Variants in DNAH6 observed in about 807,000 individuals in gnomAD.
The protein encoded by DNAH6 is axonemal beta dynein heavy chain 6.
Under a neutral mutation model 491.4 loss-of-function variants are expected in DNAH6, and 340 were observed. The observed-to-expected ratio is 0.69, with a 90% CI of 0.63 to 0.76. The LOEUF is 0.76. Among genes scored for constraint, DNAH6 ranks in the 30% least tolerant of loss-of-function variants. The probability of loss-of-function intolerance (pLI) is 0.00; values close to 1 mark genes in which losing one functional copy is unlikely to be tolerated. For synonymous variants in DNAH6, 1,603 were observed against 1,686.1 expected (o/e 0.95, Z 1.21); for missense variants, 4,443 against 4,972.2 (o/e 0.89, Z 3.20).
intron 76 of DNAH6, among the ~76,000 whole-genome samples, chr2:84,818,595 A>G (rs1265372489): frequency 1.3e-5 from 2 of 152,088 alleles, no homozygotes; most frequent in Admixed American, 6.6e-5. Flanking sequence ...TATATTTAAA[A>G]TCACCACAGC....
chr2:84,811,784 C>A (rs142523699), intron 72 of DNAH6, among the ~76,000 whole-genome samples: 3,700 of 151,858 alleles, frequency 0.024, 98 homozygotes, highest in Non-Finnish European at 0.031. Context: ...TCACTTGAAC[C>A]CAGGAGGAGG....
chr2:84,769,083 G>T (rs1296851748), intron 64 of DNAH6, among the ~76,000 whole-genome samples: 1 of 152,208 alleles, frequency 6.6e-6, no homozygotes, highest in African/African-American at 2.4e-5. Context: ...TCTGTAAAAG[G>T]TACAATTGCC....
At position 84,546,507 on chromosome 2, in the gene DNAH6, A is replaced by C. The variant is rs576586364; in HGVS notation, c.931-761A>C. Among the ~76,000 whole-genome samples, 7 of 152,330 alleles carry C rather than the reference A, an allele frequency of 4.6e-5. No homozygotes were observed. In the East Asian group the frequency reaches 1.3e-3, roughly 29 times the overall value. On this transcript the variant is annotated intron_variant, in intron 5 of 76. Coordinates refer to ENST00000389394, the MANE Select transcript of DNAH6 (RefSeq NM_001370.2). The stretch of plus-strand genomic sequence containing the variant: ...TGACTCTGGAACCCGAGGATACAGA[A>C]GGACTGTATGTGGTCCTTTATGACT...
At chr2:84,565,343 G>A (rs1024390055) in intron 11 of DNAH6, among the ~76,000 whole-genome samples, 1 of 149,510 alleles carries the variant, frequency 6.7e-6, no homozygotes, top group Non-Finnish European at 1.5e-5. Context: ...TTTTTTTGTA[G>A]TTTTTTTATA....
intron 62 of DNAH6, among the ~76,000 whole-genome samples, chr2:84,740,441 T>G (rs1672412603): frequency 6.6e-6 from 1 of 152,156 alleles, no homozygotes; most frequent in Admixed American, 6.5e-5. Flanking sequence ...CACTTCCAAA[T>G]CCATGACAGG....
Position 84,706,914 on chromosome 2 carries a change from A to T in DNAH6, c.8746A>T (p.Met2916Leu), listed in dbSNP as rs1344519677. The change falls in exon 53 of 77, where the codon ATG (methionine) becomes TTG (leucine). Residue 2916 changes from methionine (M) to leucine (L), a missense_variant. Met to Leu is a conservative substitution (Grantham distance 15). Transcript: ENST00000389394. Reference protein sequence around the residue: ...RAAQAELDITMATLREKQALL... With the variant: ...RAAQAELDITLATLREKQALL... ...TTATTAGGCTGAACTTGACATTACCATGGCTACCCTGAGAGAAAAGCAAGC... is the reference window on the plus strand; with the variant it reads ...TTATTAGGCTGAACTTGACATTACCTTGGCTACCCTGAGAGAAAAGCAAGC... The T allele has an allele frequency of 6.5e-7, 1 of 1,541,694 alleles. No homozygotes were observed. The highest frequency in any genetic ancestry group is 2.5e-5 in the East Asian group (1 of 40,554).
intron 23 of DNAH6, among the ~76,000 whole-genome samples, chr2:84,618,382 C>A (rs1190043603): frequency 6.6e-6 from 1 of 152,096 alleles, no homozygotes; most frequent in Admixed American, 6.6e-5. Context: ...TGCTTCCTCC[C>A]ACCTTCTCAG....
chr2:84,638,618 A>G (rs968694331), intron 31 of DNAH6, among the ~76,000 whole-genome samples: 4 of 152,222 alleles, frequency 2.6e-5, no homozygotes, highest in Non-Finnish European at 5.9e-5. Flanking sequence ...AATAAAAGTA[A>G]TTGCTTAAGA....
rs561238629 is a variant in DNAH6, at chr2:84,709,432, C to A, written c.9138C>A (p.Tyr3046Ter). 2 of 1,551,622 alleles carry A rather than the reference C, an allele frequency of 1.3e-6. No individual in the cohort carries two copies. The highest frequency in any genetic ancestry group is 1.7e-6 in the Non-Finnish European group (2 of 1,147,010). ...TCATTAACATTCTTGGAGATCCCTACGAGATACGGCAGTGGAACACTGATG... is the reference window on the plus strand; with the variant it reads ...TCATTAACATTCTTGGAGATCCCTAAGAGATACGGCAGTGGAACACTGATG... ...FSLINILGDPYEIRQWNTDGL... is the reference protein window; with the variant it reads ...FSLINILGDP The change falls in exon 55 of 77, where the codon TAC becomes TAA. Residue 3046 changes from tyrosine (Y) to a stop codon, truncating the protein, a stop_gained. Coordinates refer to ENST00000389394, the MANE Select transcript of DNAH6 (RefSeq NM_001370.2). LOFTEE classifies it high-confidence loss of function.
intron 37 of DNAH6, among the ~76,000 whole-genome samples, chr2:84,663,431 C>T (rs994271546): frequency 6.6e-6 from 1 of 152,038 alleles, no homozygotes; most frequent in African/African-American, 2.4e-5. Context: ...AACCATGGCA[C>T]GAGAACTACG....
intron 11 of DNAH6, among the ~76,000 whole-genome samples, chr2:84,562,554 A>G (rs1030625280): frequency 4.6e-5 from 7 of 152,224 alleles, no homozygotes; most frequent in African/African-American, 1.7e-4. Flanking sequence ...TTAATGCCAG[A>G]TGCTATGATT....
chr2:84,595,766 A>T lies in DNAH6; in HGVS notation c.2845A>T (p.Lys949Ter). 1.9e-6 allele frequency: 3 copies of T among 1,545,474 alleles called. No homozygotes were observed. The highest frequency in any genetic ancestry group is 2.4e-5 in the South Asian group (2 of 81,842). The stretch of plus-strand genomic sequence containing the variant: ...CAGTGTAGTGCCCCAGCTCAAATAC[A>T]AGGTGGAAAAAATGAAAGAAAAGGT... Reference protein sequence around the residue: ...PNSVVPQLKYKVEKMKEKLPV... With the variant: ...PNSVVPQLKY Residue 949 changes from lysine to a stop codon, truncating the protein, a stop_gained, in exon 18 of 77, where the codon AAG becomes TAG. Transcript: ENST00000389394. LOFTEE classifies it high-confidence loss of function.
In DNAH6 at chr2:84,658,334, C is replaced by T. The variant is rs1264955224; in HGVS notation, c.5800C>T (p.Arg1934Cys). 3.6e-5 allele frequency: 56 copies of T among 1,543,034 alleles called. No individual in the cohort carries two copies. The highest frequency in any genetic ancestry group is 4.3e-5 in the Non-Finnish European group (49 of 1,143,350). Reference protein sequence around the residue: ...TQEYILNLFQRYVDEGLHFIN... With the variant: ...TQEYILNLFQCYVDEGLHFIN... ...AGAATATATATTGAATCTTTTCCAA[C>T]GTTATGTTGATGAAGGTTTACATTT... Residue 1934 changes from arginine to cysteine, a missense_variant, in exon 36 of 77, where the codon CGT becomes TGT. Physicochemically the swap from Arg to Cys is radical, Grantham distance 180 (BLOSUM62 -3). This residue lies in a region of DNAH6 where 2,977 missense variants were observed against 3,296.6 expected (regional missense o/e 0.90). Coordinates refer to ENST00000389394, the MANE Select transcript of DNAH6 (RefSeq NM_001370.2).
chr2:84,776,350 C>T (rs1434488078), intron 64 of DNAH6, among the ~76,000 whole-genome samples: 1 of 152,198 alleles, frequency 6.6e-6, no homozygotes, highest in Admixed American at 6.5e-5. Flanking sequence ...TTTAGGACTA[C>T]ACAAGATTAG....
chr2:84,716,399 T>C (rs1487716728), intron 58 of DNAH6, among the ~76,000 whole-genome samples: 4 of 151,948 alleles, frequency 2.6e-5, no homozygotes, highest in African/African-American at 4.8e-5. Context: ...TATATAGGAA[T>C]ACCTATGTAT....
chr2:84,645,055 C>G (rs112665922), intron 33 of DNAH6, among the ~76,000 whole-genome samples: 1 of 152,192 alleles, frequency 6.6e-6, no homozygotes, highest in African/African-American at 2.4e-5. Context: ...TACACTCCCA[C>G]CAACAGTGTA....
chr2:84,480,055 A>G, the DNAH6 span, among the ~76,000 whole-genome samples: 1 of 152,230 alleles, frequency 6.6e-6, no homozygotes, highest in Non-Finnish European at 1.5e-5. Context: ...TTTCAGTGCC[A>G]TTCTGCAACA....
chr2:84,591,322 G>T (rs891037682), intron 16 of DNAH6, among the ~76,000 whole-genome samples: 1 of 151,922 alleles, frequency 6.6e-6, no homozygotes, highest in Admixed American at 6.6e-5. Context: ...CAATTCAAAA[G>T]ATAAAGAAAA....
chr2:84,504,437 C>T, the DNAH6 span, among the ~76,000 whole-genome samples: 647 of 152,160 alleles, frequency 4.3e-3, 17 homozygotes, highest in East Asian at 0.043. Flanking sequence ...TTACTGAGGT[C>T]GTGTTTTCCT....
Sources: gnomAD v4.1 joint callset for allele counts (sites outside exome capture counted in the v4.1 genomes callset) on GRCh38, gnomAD v4.1.1 for gene constraint, gnomAD v4.1.1 regional missense constraint, MANE v1.5 for transcripts, NCBI Gene and HGNC (gene_info 2026-07-23, HGNC 2026-07-21) for gene names.